CALCR: variants seen among roughly 807,000 people sequenced by gnomAD.
CALCR encodes calcitonin receptor.
A neutral mutation model predicts 59.5 loss-of-function variants in CALCR; 47 were observed. The observed-to-expected ratio is 0.79, with a 90% CI of 0.63 to 1.01. CALCR has a LOEUF of 1.01. CALCR is among the 50% of genes least tolerant of loss of function. The pLI, the probability that CALCR is intolerant of heterozygous loss-of-function variation, is 0.00. For synonymous variants in CALCR, 213 were observed against 211.3 expected (o/e 1.01, Z -0.07); for missense variants, 566 against 597.1 (o/e 0.95, Z 0.54).
intron 2 of CALCR, among the ~76,000 whole-genome samples, chr7:93,558,330 A>T (rs185577782): frequency 6.6e-6 from 1 of 152,172 alleles, no homozygotes; most frequent in East Asian, 1.9e-4. Context: ...TATTGGTAGA[A>T]TCTTTATTTC....
intron 2 of CALCR, among the ~76,000 whole-genome samples, chr7:93,533,324 A>AT (rs1788897625): frequency 6.6e-6 from 1 of 151,812 alleles, no homozygotes; most frequent in Admixed American, 6.6e-5. Flanking sequence ...AGACACTTTC[A>AT]TTTTTTCTGT....
At position 93,426,334 on chromosome 7, in the gene CALCR, C is replaced by T; in HGVS notation, c.*22G>A. Reference sequence around the variant, plus strand: ...CCAGGAAATGATGGCTCAGTGATCACGATGCTGTGTTTGCTTCACATTCAA... The same window carrying T: ...CCAGGAAATGATGGCTCAGTGATCATGATGCTGTGTTTGCTTCACATTCAA... On this transcript the variant is annotated 3_prime_UTR_variant, in exon 14 of 14. Coordinates refer to ENST00000426151, the MANE Select transcript of CALCR (RefSeq NM_001742.4). The T allele has an allele frequency of 7.5e-7, 1 of 1,333,942 alleles. No homozygotes were observed. Among genetic ancestry groups the T allele is most frequent in the Non-Finnish European group, 1.1e-6 (1 of 925,518 alleles). The allele number at this position is 1,333,942 out of a possible 1,614,324, so 82.6% of individuals were successfully genotyped here.
At position 93,448,251 on chromosome 7, in the gene CALCR, A is replaced by G. The variant is rs187661028; in HGVS notation, c.649-4494T>C. 4.9e-4 allele frequency among the ~76,000 whole-genome samples: 75 copies of G among 152,144 alleles called. 1 individual carries two copies. The highest frequency in any genetic ancestry group is 6.8e-3 in the Middle Eastern group (2 of 294). On this transcript the variant is annotated intron_variant, in intron 8 of 13. Coordinates refer to ENST00000426151, the MANE Select transcript of CALCR (RefSeq NM_001742.4). ...CTCATTGGTAAAACTGGGGTATTAGATTCAGCTTCTGTGTTGATTTCATAT... is the reference window on the plus strand; with the variant it reads ...CTCATTGGTAAAACTGGGGTATTAGGTTCAGCTTCTGTGTTGATTTCATAT...
chr7:93,451,434 T>G (rs1314576816), intron 8 of CALCR, among the ~76,000 whole-genome samples: 3 of 152,030 alleles, frequency 2.0e-5, no homozygotes, highest in African/African-American at 7.2e-5. Context: ...TTTAAAAGCA[T>G]GTCCTTTTCT....
At chr7:93,516,785 T>A (rs1413384291) in intron 2 of CALCR, among the ~76,000 whole-genome samples, 3 of 151,866 alleles carry the variant, frequency 2.0e-5, no homozygotes, top group African/African-American at 7.2e-5. Context: ...AATTAAAAAG[T>A]AATAATGGAG....
chr7:93,432,601 A>T (rs749285703), intron 13 of CALCR, among the ~76,000 whole-genome samples: 2 of 152,196 alleles, frequency 1.3e-5, no homozygotes, highest in Non-Finnish European at 2.9e-5. Flanking sequence ...GAGACATTCA[A>T]TTGCTAGGGT....
At chr7:93,429,824 A>C (rs1234642690) in intron 13 of CALCR, among the ~76,000 whole-genome samples, 1 of 151,140 alleles carries the variant, frequency 6.6e-6, no homozygotes, top group Non-Finnish European at 1.5e-5. Flanking sequence ...ACCTGCTGCA[A>C]CCTGAGCTTG....
At chr7:93,484,962 A>G (rs1295741115) in intron 3 of CALCR, among the ~76,000 whole-genome samples, 2 of 151,704 alleles carry the variant, frequency 1.3e-5, no homozygotes, top group Admixed American at 1.3e-4. Flanking sequence ...CTGAGACTTT[A>G]AAACCTATAT....
intron 3 of CALCR, among the ~76,000 whole-genome samples, chr7:93,480,674 C>T (rs901999477): frequency 6.6e-6 from 1 of 151,832 alleles, no homozygotes; most frequent in African/African-American, 2.4e-5. Flanking sequence ...CAGCACATCA[C>T]TAACTGCTAA....
At chr7:93,502,670 T>A (rs1486759539) in intron 2 of CALCR, among the ~76,000 whole-genome samples, 1 of 152,126 alleles carries the variant, frequency 6.6e-6, no homozygotes, top group East Asian at 1.9e-4. Context: ...ATCATAACTT[T>A]GTCTAATGCA....
intron 11 of CALCR, 134 bp downstream of exon 11, chr7:93,437,926 T>C: frequency 1.2e-6 from 1 of 865,274 alleles, no homozygotes. Context: ...TCAAATTGCT[T>C]TTTTTTACTA....
intron 13 of CALCR, among the ~76,000 whole-genome samples, chr7:93,427,356 A>G (rs1799551759): frequency 6.6e-6 from 1 of 152,224 alleles, no homozygotes; most frequent in Non-Finnish European, 1.5e-5. Flanking sequence ...TTAGTAGTTA[A>G]GTTCCTCCTT....
At chr7:93,492,351 AC>A (rs1264479179) in intron 2 of CALCR, among the ~76,000 whole-genome samples, 4 of 151,368 alleles carry the variant, frequency 2.6e-5, no homozygotes, top group Non-Finnish European at 4.4e-5. Flanking sequence ...ATTTTAAAAA[AC>A]AAAAATAGTA....
At chr7:93,537,398 A>T (rs895278770) in intron 2 of CALCR, among the ~76,000 whole-genome samples, 2 of 151,904 alleles carry the variant, frequency 1.3e-5, no homozygotes, top group Middle Eastern at 3.4e-3. Flanking sequence ...ATTAAGACAA[A>T]TATTGGTGGC....
intron 2 of CALCR, among the ~76,000 whole-genome samples, chr7:93,549,309 AT>A: frequency 6.6e-6 from 1 of 152,188 alleles, no homozygotes; most frequent in East Asian, 1.9e-4. Flanking sequence ...GCAATAACAT[AT>A]TTTTCAAATG....
intron 8 of CALCR, among the ~76,000 whole-genome samples, chr7:93,450,057 C>T (rs190063574): frequency 6.6e-6 from 1 of 152,010 alleles, no homozygotes. Context: ...CCATTTGCAC[C>T]ATTTTGTAGC....
chr7:93,450,997 T>C (rs1800097963), intron 8 of CALCR, among the ~76,000 whole-genome samples: 1 of 151,858 alleles, frequency 6.6e-6, no homozygotes, highest in Non-Finnish European at 1.5e-5. Context: ...GTAATCTTTT[T>C]CCCCCAATTT....
At chr7:93,428,897 G>A (rs375358808) in intron 13 of CALCR, among the ~76,000 whole-genome samples, 2 of 151,924 alleles carry the variant, frequency 1.3e-5, no homozygotes, top group African/African-American at 4.8e-5. Context: ...AAGTATCCAA[G>A]CAGGCAGTTA....
chr7:93,464,079 A>C (rs1800393499), intron 7 of CALCR, among the ~76,000 whole-genome samples: 1 of 152,056 alleles, frequency 6.6e-6, no homozygotes, highest in African/African-American at 2.4e-5. Context: ...TAAAGCAAAA[A>C]GTCATTTTCA....
Sources: allele counts gnomAD v4.1 joint callset (sites outside exome capture counted in the v4.1 genomes callset), GRCh38; gene constraint gnomAD v4.1.1; transcripts MANE v1.5; gene names NCBI Gene and HGNC (gene_info 2026-07-23, HGNC 2026-07-21).